The following OSBPL1A variants were observed in gnomAD, a reference collection of about 807,000 sequenced individuals.
The protein encoded by OSBPL1A is oxysterol-binding protein-related protein 1.
In OSBPL1A, 80 loss-of-function variants were observed where a neutral mutation model predicts 137.1. The observed-to-expected ratio is 0.58, with a 90% CI of 0.49 to 0.70. The LOEUF is 0.70. OSBPL1A is among the 30% of genes least tolerant of loss of function. The pLI, the probability that OSBPL1A is intolerant of heterozygous loss-of-function variation, is 0.00. For synonymous variants in OSBPL1A, 365 were observed against 389.7 expected (o/e 0.94, Z 0.75); for missense variants, 970 against 1,129.4 (o/e 0.86, Z 2.02).
At chr18:24,381,048 A>C (rs1906554104) in intron 1 of OSBPL1A, among the ~76,000 whole-genome samples, 1 of 152,166 alleles carries the variant, frequency 6.6e-6, no homozygotes, top group Non-Finnish European at 1.5e-5. Context: ...TTAAAGAAAA[A>C]ATTATTCAGT....
At chr18:24,283,719 T>C (rs1205724353) in intron 14 of OSBPL1A, among the ~76,000 whole-genome samples, 1 of 152,158 alleles carries the variant, frequency 6.6e-6, no homozygotes, top group Non-Finnish European at 1.5e-5. Flanking sequence ...AATTTTCCAC[T>C]TTCAGGGCAT....
chr18:24,253,485 A>G (rs2089175544), intron 15 of OSBPL1A, among the ~76,000 whole-genome samples: 2 of 152,218 alleles, frequency 1.3e-5, no homozygotes, highest in African/African-American at 4.8e-5. Flanking sequence ...CCGATTTATC[A>G]AAACAGGGGA....
Position 24,333,029 on chromosome 18 carries a change from A to T in OSBPL1A, c.538T>A (p.Leu180Met), listed in dbSNP as rs774978752. The change falls in exon 7 of 28, where the codon TTG (leucine) becomes ATG (methionine). Residue 180 changes from leucine to methionine, a missense_variant. Transcript: ENST00000319481. ...NCSDQLGNTP[L>M]HCAAYRAHKQ... The stretch of plus-strand genomic sequence containing the variant: ...TGGGCCCGGTAAGCTGCACAATGCA[A>T]GGGTGTATTTCCTAACTGATCCGAA... The T allele has an allele frequency of 3.7e-6, 6 of 1,614,064 alleles. No homozygotes were observed. The South Asian group carries it at 6.6e-5, about 18-fold the overall frequency.
At chr18:24,250,158 G>T (rs2083981) in intron 15 of OSBPL1A, among the ~76,000 whole-genome samples, 101,597 of 135,502 alleles carry the variant, frequency 0.75, 36,859 homozygotes, top group East Asian at 0.9. Flanking sequence ...GTGTGTTTTT[G>T]TTTGTTTGTT....
intron 4 of OSBPL1A, among the ~76,000 whole-genome samples, chr18:24,341,980 AGAAG>A (rs1252009618): frequency 6.6e-6 from 1 of 152,224 alleles, no homozygotes; most frequent in Non-Finnish European, 1.5e-5. Context: ...TTCAAATTAG[AGAAG>A]GAAGTACATT....
chr18:24,394,465 CAATTT>C (rs1907589815), intron 1 of OSBPL1A, among the ~76,000 whole-genome samples: 1 of 152,172 alleles, frequency 6.6e-6, no homozygotes, highest in Admixed American at 6.5e-5. Flanking sequence ...ATTTGAACTT[CAATTT>C]GACAGATTCT....
At chr18:24,325,553 T>C (rs1451262361) in intron 7 of OSBPL1A, among the ~76,000 whole-genome samples, 1 of 152,220 alleles carries the variant, frequency 6.6e-6, no homozygotes, top group Non-Finnish European at 1.5e-5. Flanking sequence ...TTTGCATCCC[T>C]TCTAAGATAC....
At chr18:24,379,582 TA>T (rs1568066071) in intron 1 of OSBPL1A, among the ~76,000 whole-genome samples, 1 of 151,212 alleles carries the variant, frequency 6.6e-6, no homozygotes, top group Non-Finnish European at 1.5e-5. Flanking sequence ...AACGAAGTTC[TA>T]AAAAAAGAAA....
chr18:24,215,005 T>C (rs891904511), intron 17 of OSBPL1A, among the ~76,000 whole-genome samples: 14 of 152,364 alleles, frequency 9.2e-5, no homozygotes, highest in Admixed American at 8.5e-4. Context: ...ATGCTTTTGA[T>C]TGCTTACCAT....
intron 16 of OSBPL1A, among the ~76,000 whole-genome samples, chr18:24,231,438 GC>G (rs946690211): frequency 3.7e-4 from 57 of 152,110 alleles, no homozygotes; most frequent in African/African-American, 1.3e-3. Context: ...GATTACAGGC[GC>G]CCACCACCAC....
chr18:24,187,992 G>A lies in OSBPL1A; in HGVS notation c.1678-6713C>T, dbSNP rs553770568. On this transcript the variant is annotated intron_variant, in intron 18 of 27. Coordinates refer to ENST00000319481, the MANE Select transcript of OSBPL1A (RefSeq NM_080597.4). ...TTCCCTTTATTGTACACAACAGCAG[G>A]GTGGGATTGATCATAAAGAAACTTT... Among the ~76,000 whole-genome samples the A allele has an allele frequency of 3.3e-5, 5 of 152,242 alleles. No individual in the cohort carries two copies. In the South Asian group the frequency reaches 1.0e-3, roughly 32 times the overall value.
chr18:24,226,672 C>T lies in OSBPL1A; in HGVS notation c.1445-1474G>A, dbSNP rs759757297. Among the ~76,000 whole-genome samples the T allele has an allele frequency of 3.3e-4, 50 of 152,292 alleles. 1 individual carries two copies. The highest frequency in any genetic ancestry group is 6.2e-4 in the Non-Finnish European group (42 of 68,028). ...AAATCACAGAACCTTACTGTTACCA[C>T]ATTAGGCTGACTTAGGAGAACGACG... On this transcript the variant is annotated intron_variant, in intron 16 of 27. Coordinates refer to ENST00000319481, the MANE Select transcript of OSBPL1A (RefSeq NM_080597.4).
At chr18:24,169,449 C>G (rs1336776359) in intron 24 of OSBPL1A, among the ~76,000 whole-genome samples, 1 of 152,204 alleles carries the variant, frequency 6.6e-6, no homozygotes, top group East Asian at 1.9e-4. Flanking sequence ...CGAGGAAGTA[C>G]TTTTGGCAGA....
At chr18:24,301,262 G>A (rs1161656572) in intron 14 of OSBPL1A, 3 of 152,104 alleles carry the variant, frequency 2.0e-5, no homozygotes, top group Non-Finnish European at 4.4e-5. Context: ...TTAATTATCT[G>A]CTCAATCATT....
chr18:24,216,693 T>A (rs1032825463), intron 17 of OSBPL1A, among the ~76,000 whole-genome samples: 2 of 152,134 alleles, frequency 1.3e-5, no homozygotes, highest in Non-Finnish European at 2.9e-5. Context: ...CATCTTTTCA[T>A]ATAAATTAAA....
At chr18:24,218,121 T>G (rs566055149) in intron 17 of OSBPL1A, among the ~76,000 whole-genome samples, 173 of 152,236 alleles carry the variant, frequency 1.1e-3, no homozygotes, top group Non-Finnish European at 2.0e-3. Context: ...TAAATACCAT[T>G]TTGGATCCAA....
At chr18:24,330,735 A>C (rs1420088105) in intron 7 of OSBPL1A, among the ~76,000 whole-genome samples, 1 of 151,380 alleles carries the variant, frequency 6.6e-6, no homozygotes, top group Non-Finnish European at 1.5e-5. Flanking sequence ...CTAGAAATGA[A>C]AACATTTTTT....
At chr18:24,332,808 C>A in intron 7 of OSBPL1A, 134 bp downstream of exon 7, 1 of 1,061,014 alleles carries the variant, frequency 9.4e-7, no homozygotes, top group Non-Finnish European at 1.4e-6. Flanking sequence ...TGTGTGAATG[C>A]CTTGGCTCCA....
intron 7 of OSBPL1A, among the ~76,000 whole-genome samples, chr18:24,322,748 A>G (rs2090889049): frequency 1.3e-5 from 2 of 152,154 alleles, no homozygotes; most frequent in Non-Finnish European, 2.9e-5. Context: ...AACTAGATGA[A>G]ATTCCAGAAG....
Sources: allele counts gnomAD v4.1 joint callset (sites outside exome capture counted in the v4.1 genomes callset), GRCh38; gene constraint gnomAD v4.1.1; transcripts MANE v1.5; gene names NCBI Gene and HGNC (gene_info 2026-07-23, HGNC 2026-07-21).